The following MAGI2 variants were observed in gnomAD, a reference collection of about 807,000 sequenced individuals.
MAGI2 encodes the protein membrane-associated guanylate kinase, WW and PDZ domain-containing protein 2.
In MAGI2, 35 loss-of-function variants were observed where a neutral mutation model predicts 133.3. That is an observed-to-expected ratio of 0.26 (90% confidence interval 0.20 to 0.35). The LOEUF (loss-of-function observed/expected upper bound fraction) is 0.35, where lower values mean the gene tolerates loss of function less well. MAGI2 is among the 10% of genes least tolerant of loss of function. The pLI is 1.00. For missense variants in MAGI2, 1,636 were observed against 1,863.4 expected, an observed-to-expected ratio of 0.88 and a Z score of 2.25; for synonymous variants, 729 against 710.6, an observed-to-expected ratio of 1.03 and a Z score of -0.41.
At position 78,627,105 on chromosome 7, in the gene MAGI2, G is replaced by A. The variant is rs746468388; in HGVS notation, c.538+15C>T. 2.6e-6 allele frequency: 4 copies of A among 1,557,414 alleles called. No individual in the cohort carries two copies. The highest frequency in any genetic ancestry group is 3.5e-6 in the Non-Finnish European group (4 of 1,155,406). ...GATGCCAACAAGAAAGATTTCTCAG[G>A]AACGTTGTGCTTACCTTCATAAGTC... On this transcript the variant is annotated intron_variant, in intron 3 of 21. Transcript: ENST00000354212.
At chr7:78,748,818 G>A (rs188207023) in intron 2 of MAGI2, among the ~76,000 whole-genome samples, 15 of 152,094 alleles carry the variant, frequency 9.9e-5, no homozygotes, top group Admixed American at 5.9e-4. Flanking sequence ...GATTTTCCCC[G>A]AAAATAATCA....
intron 10 of MAGI2, among the ~76,000 whole-genome samples, chr7:78,204,434 C>A (rs1829545250): frequency 1.3e-5 from 2 of 152,106 alleles, no homozygotes; most frequent in Non-Finnish European, 2.9e-5. Context: ...ATACAGAAAA[C>A]CTTTTCTTCA....
intron 1 of MAGI2, among the ~76,000 whole-genome samples, chr7:79,080,348 G>T (rs2129541823): frequency 6.6e-6 from 1 of 152,192 alleles, no homozygotes; most frequent in African/African-American, 2.4e-5. Flanking sequence ...CTGTGTTTTT[G>T]AATAAGGGTC....
intron 2 of MAGI2, among the ~76,000 whole-genome samples, chr7:78,636,635 A>G (rs1427833543): frequency 6.6e-6 from 1 of 152,054 alleles, no homozygotes; most frequent in African/African-American, 2.4e-5. Flanking sequence ...CGTCTCCACT[A>G]AAAATACAAA....
intron 1 of MAGI2, among the ~76,000 whole-genome samples, chr7:79,222,065 G>T (rs1477855324): frequency 6.6e-6 from 1 of 151,888 alleles, no homozygotes; most frequent in East Asian, 1.9e-4. Context: ...GTGTTCGATG[G>T]GAAAATATGC....
chr7:79,307,391 A>G (rs1837911266), intron 1 of MAGI2, among the ~76,000 whole-genome samples: 1 of 152,162 alleles, frequency 6.6e-6, no homozygotes, highest in Non-Finnish European at 1.5e-5. Context: ...GATACTTAGG[A>G]GTCTAGGTAA....
chr7:78,574,924 T>C (rs191215432), intron 3 of MAGI2, among the ~76,000 whole-genome samples: 1 of 152,336 alleles, frequency 6.6e-6, no homozygotes, highest in East Asian at 1.9e-4. Context: ...TTAGAAAATA[T>C]TCAAGACCAT....
chr7:78,427,543 C>T (rs1471968441), intron 6 of MAGI2, among the ~76,000 whole-genome samples: 1 of 151,684 alleles, frequency 6.6e-6, no homozygotes, highest in Non-Finnish European at 1.5e-5. Context: ...TTTGTATATG[C>T]CTTATATCAT....
At chr7:79,091,177 G>A (rs957707704) in intron 1 of MAGI2, among the ~76,000 whole-genome samples, 2 of 151,976 alleles carry the variant, frequency 1.3e-5, no homozygotes, top group African/African-American at 4.8e-5. Flanking sequence ...AGATTTTTCA[G>A]TGTTGATTAC....
intron 1 of MAGI2, among the ~76,000 whole-genome samples, chr7:79,099,172 G>A (rs1817756979): frequency 1.3e-5 from 2 of 152,014 alleles, no homozygotes; most frequent in Admixed American, 1.3e-4. Flanking sequence ...GCTATTTTAT[G>A]GAAAATAGTT....
At chr7:78,500,634 T>A (rs1208133517) in intron 5 of MAGI2, among the ~76,000 whole-genome samples, 1 of 152,128 alleles carries the variant, frequency 6.6e-6, no homozygotes, top group Non-Finnish European at 1.5e-5. Context: ...AAAGATTAGG[T>A]TGAGTATTAC....
intron 2 of MAGI2, among the ~76,000 whole-genome samples, chr7:78,966,835 CTTT>C (rs34597215): frequency 7.0e-5 from 9 of 129,040 alleles, no homozygotes; most frequent in Non-Finnish European, 8.3e-5. Flanking sequence ...GCCTACACGT[CTTT>C]TTTTTTTTTT....
At chr7:78,083,387 G>GGGAGAGAGAGAGAGAGA (rs1816229903) in intron 20 of MAGI2, among the ~76,000 whole-genome samples, 1 of 33,300 alleles carries the variant, frequency 3.0e-5, no homozygotes, top group African/African-American at 1.3e-4. Flanking sequence ...AGGGAGGGGG[G>GGGAGAGAGAGAGAGAGA]GAGAGAGAGA....
At chr7:78,894,936 G>T (rs900361430) in intron 2 of MAGI2, among the ~76,000 whole-genome samples, 7 of 152,118 alleles carry the variant, frequency 4.6e-5, no homozygotes, top group African/African-American at 1.2e-4. Context: ...TAAGTAAACA[G>T]AAAACATCTG....
chr7:78,278,509 T>A (rs1345707975), intron 9 of MAGI2, among the ~76,000 whole-genome samples: 1 of 152,176 alleles, frequency 6.6e-6, no homozygotes, highest in Admixed American at 6.6e-5. Context: ...ATTTTTCTGT[T>A]CATAAGGACT....
At chr7:79,421,801 G>A (rs557626184) in intron 1 of MAGI2, among the ~76,000 whole-genome samples, 232 of 152,082 alleles carry the variant, frequency 1.5e-3, no homozygotes, top group African/African-American at 5.2e-3. Flanking sequence ...TTGAGTGCCC[G>A]AAGATAAAAC....
intron 2 of MAGI2, among the ~76,000 whole-genome samples, chr7:78,885,857 A>G (rs760368275): frequency 4.6e-5 from 7 of 152,194 alleles, no homozygotes; most frequent in Admixed American, 4.6e-4. Flanking sequence ...TTCTAAGTCC[A>G]GCACATAAAA....
chr7:78,186,281 A>T (rs1827689370), intron 12 of MAGI2, among the ~76,000 whole-genome samples: 2 of 152,148 alleles, frequency 1.3e-5, no homozygotes, highest in Admixed American at 1.3e-4. Flanking sequence ...TGAGTGTAAA[A>T]CACCTTTAAA....
intron 1 of MAGI2, chr7:79,410,664 A>T (rs533147704): frequency 6.6e-6 from 1 of 152,250 alleles, no homozygotes; most frequent in Admixed American, 6.5e-5. Context: ...GATATTTAGT[A>T]TTACCTCATA....
Sources: allele counts gnomAD v4.1 joint callset (sites outside exome capture counted in the v4.1 genomes callset), GRCh38; gene constraint gnomAD v4.1.1; transcripts MANE v1.5; gene names NCBI Gene and HGNC (gene_info 2026-07-23, HGNC 2026-07-21).